DNAJC1: variants seen among roughly 807,000 people sequenced by gnomAD.
DNAJC1 encodes DnaJ heat shock protein family (Hsp40) member C1.
In DNAJC1, 58 loss-of-function variants were observed where a neutral mutation model predicts 76.6. The observed-to-expected ratio is 0.76, with a 90% CI of 0.61 to 0.94. DNAJC1 has a LOEUF of 0.94. Ranked by LOEUF, DNAJC1 falls within the 40% of genes least tolerant of loss-of-function variation. The pLI is 0.00. For missense variants in DNAJC1, 689 were observed against 677.3 expected, an observed-to-expected ratio of 1.02 and a Z score of -0.19; for synonymous variants, 258 against 267.9, an observed-to-expected ratio of 0.96 and a Z score of 0.36.
In DNAJC1 at chr10:21,877,792, G is replaced by A. The variant is rs542687382; in HGVS notation, c.978+4490C>T. On this transcript the variant is annotated intron_variant, in intron 8 of 11. Coordinates refer to ENST00000376980, the MANE Select transcript of DNAJC1 (RefSeq NM_022365.4). ...CCTTGAACAATATGGAGGTTGGGGC[G>A]CCAACCCCTGGTCAGTTGAAAACCT... is the stretch of plus-strand genomic sequence containing the variant. 7.2e-5 allele frequency among the ~76,000 whole-genome samples: 11 copies of A among 152,230 alleles called. No individual in the cohort carries two copies. In the South Asian group the frequency reaches 2.1e-3, roughly 29 times the overall value.
At chr10:21,900,907 C>A (rs1007314589) in intron 7 of DNAJC1, among the ~76,000 whole-genome samples, 3 of 152,170 alleles carry the variant, frequency 2.0e-5, no homozygotes, top group Non-Finnish European at 4.4e-5. Context: ...TCCCTACCAA[C>A]CCCTGAATCA....
intron 10 of DNAJC1, 96 bp from the exon 11 acceptor site, chr10:21,759,714 T>C (rs1834219216): frequency 6.9e-6 from 8 of 1,162,536 alleles, no homozygotes; most frequent in Middle Eastern, 2.4e-4. Context: ...GGCAGCGCAC[T>C]AGGCATTTTG....
At chr10:21,889,324 T>C (rs563297090) in intron 7 of DNAJC1, among the ~76,000 whole-genome samples, 23 of 152,220 alleles carry the variant, frequency 1.5e-4, no homozygotes, top group African/African-American at 5.5e-4. Flanking sequence ...ATTGCCCCCA[T>C]GATCAAATCA....
chr10:21,951,887 T>C (rs1307843430), intron 1 of DNAJC1, among the ~76,000 whole-genome samples: 1 of 152,240 alleles, frequency 6.6e-6, no homozygotes, highest in African/African-American at 2.4e-5. Context: ...ATTTATGTGA[T>C]GTTCTTGAAA....
At chr10:21,911,833 T>C (rs575231657) in intron 6 of DNAJC1, among the ~76,000 whole-genome samples, 11 of 152,192 alleles carry the variant, frequency 7.2e-5, no homozygotes, top group Non-Finnish European at 1.6e-4. Flanking sequence ...CAGTACAGTA[T>C]TCAGTAAATT....
chr10:21,906,982 G>A (rs1296820309), intron 6 of DNAJC1, among the ~76,000 whole-genome samples: 1 of 152,082 alleles, frequency 6.6e-6, no homozygotes, highest in East Asian at 1.9e-4. Flanking sequence ...GCCAAATCCT[G>A]TATCTTCTTG....
intron 8 of DNAJC1, among the ~76,000 whole-genome samples, chr10:21,846,958 G>A (rs1193823089): frequency 6.6e-6 from 1 of 151,338 alleles, no homozygotes; most frequent in Non-Finnish European, 1.5e-5. Flanking sequence ...CTGCTTGAAG[G>A]TGTCAAGGAC....
At chr10:21,952,510 C>A (rs1469011271) in intron 1 of DNAJC1, among the ~76,000 whole-genome samples, 2 of 152,144 alleles carry the variant, frequency 1.3e-5, no homozygotes, top group Non-Finnish European at 2.9e-5. Context: ...GTAATCCCAA[C>A]ACTTTGGGAA....
intron 1 of DNAJC1, among the ~76,000 whole-genome samples, chr10:21,965,248 T>C (rs567525857): frequency 2.5e-4 from 38 of 152,334 alleles, no homozygotes; most frequent in Admixed American, 1.1e-3. Flanking sequence ...CAGCTGAGTC[T>C]AATCTGCTGT....
intron 8 of DNAJC1, among the ~76,000 whole-genome samples, chr10:21,830,474 G>A (rs1234251024): frequency 6.6e-6 from 1 of 151,694 alleles, no homozygotes; most frequent in Non-Finnish European, 1.5e-5. Flanking sequence ...TAGTATAACT[G>A]GCGTTCCTTT....
Position 21,861,431 on chromosome 10 carries a change from G to C in DNAJC1, c.978+20851C>G, listed in dbSNP as rs573043229. On this transcript the variant is annotated intron_variant, in intron 8 of 11. Transcript: ENST00000376980. ...AATATTATATATAAATGAATTTAAC[G>C]CTTACCTCAAATTTCAAAAACAGTA... Among the ~76,000 whole-genome samples the C allele has an allele frequency of 3.9e-5, 6 of 151,978 alleles. No individual in the cohort carries two copies. The East Asian group carries it at 1.2e-3, about 29-fold the overall frequency.
intron 1 of DNAJC1, among the ~76,000 whole-genome samples, chr10:21,981,908 T>C (rs1278103223): frequency 6.6e-6 from 1 of 152,146 alleles, no homozygotes; most frequent in Non-Finnish European, 1.5e-5. Flanking sequence ...AACCCTACCA[T>C]TGATATCCGA....
intron 8 of DNAJC1, among the ~76,000 whole-genome samples, chr10:21,835,973 G>A (rs1454716322): frequency 1.3e-5 from 2 of 152,066 alleles, no homozygotes; most frequent in Non-Finnish European, 2.9e-5. Context: ...GAAATACAGA[G>A]AACACCACAA....
At chr10:21,886,959 T>C (rs1836376376) in intron 7 of DNAJC1, among the ~76,000 whole-genome samples, 1 of 152,188 alleles carries the variant, frequency 6.6e-6, no homozygotes, top group East Asian at 1.9e-4. Flanking sequence ...CTGTCCCTGT[T>C]TGCAATTGAC....
rs1214838116 is a variant in DNAJC1, at chr10:21,806,110, T to C, written c.979-11A>G. On this transcript the variant is annotated splice_polypyrimidine_tract_variant and intron_variant, in intron 8 of 11. Transcript: ENST00000376980. ...TGTCCATTCAGGTGCCTGCAAAACA[T>C]TAAAGAAAATAAAAAAAGATAATTG... The C allele has an allele frequency of 7.6e-6, 12 of 1,586,392 alleles. No individual in the cohort carries two copies. The highest frequency in any genetic ancestry group is 1.0e-5 in the Non-Finnish European group (12 of 1,166,748).
intron 8 of DNAJC1, among the ~76,000 whole-genome samples, chr10:21,830,902 T>C (rs963316481): frequency 1.3e-5 from 2 of 152,218 alleles, no homozygotes; most frequent in Non-Finnish European, 2.9e-5. Flanking sequence ...AGTTCTTTTT[T>C]TCATATCCTG....
chr10:21,927,809 CT>C (rs1490213628), intron 3 of DNAJC1, among the ~76,000 whole-genome samples: 1 of 152,062 alleles, frequency 6.6e-6, no homozygotes, highest in African/African-American at 2.4e-5. Context: ...GGAAAGGGGC[CT>C]CTGTGTAATC....
intron 8 of DNAJC1, among the ~76,000 whole-genome samples, chr10:21,848,282 C>A (rs1313544769): frequency 6.6e-6 from 1 of 152,076 alleles, no homozygotes; most frequent in African/African-American, 2.4e-5. Flanking sequence ...CTATTAAGAT[C>A]ATTTGCTCAT....
At position 21,940,411 on chromosome 10, in the gene DNAJC1, C is replaced by A. The variant is rs552405916; in HGVS notation, c.223-11270G>T. Among the ~76,000 whole-genome samples the A allele has an allele frequency of 7.9e-5, 12 of 152,140 alleles. 1 individual carries two copies. The South Asian group carries it at 2.5e-3, about 32-fold the overall frequency. The stretch of plus-strand genomic sequence containing the variant: ...TTATAACTTTAATTGATTTTCTTAG[C>A]CTTAAACTATATATACTAACCAGTG... On this transcript the variant is annotated intron_variant, in intron 1 of 11. Transcript: ENST00000376980.
Sources: gnomAD v4.1 joint callset for allele counts (sites outside exome capture counted in the v4.1 genomes callset) on GRCh38, gnomAD v4.1.1 for gene constraint, MANE v1.5 for transcripts, NCBI Gene and HGNC (gene_info 2026-07-23, HGNC 2026-07-21) for gene names.